The following SFMBT2 variants were observed in gnomAD, a reference collection of about 807,000 sequenced individuals.
The protein encoded by SFMBT2 is scm-like with four MBT domains protein 2.
A neutral mutation model predicts 110.1 loss-of-function variants in SFMBT2; 38 were observed. The ratio of observed to expected loss-of-function variants is 0.35; its 90% CI spans 0.27 to 0.45. The LOEUF (loss-of-function observed/expected upper bound fraction) is 0.45, where lower values mean the gene tolerates loss of function less well. Ranked by LOEUF, SFMBT2 falls within the 20% of genes least tolerant of loss-of-function variation. SFMBT2 has a pLI of 1.00. For synonymous variants in SFMBT2, 425 were observed against 425.4 expected, an observed-to-expected ratio of 1.00 and a Z score of 0.01; for missense variants, 1,011 against 1,094.9, an observed-to-expected ratio of 0.92 and a Z score of 1.08.
chr10:7,212,297 T>C (rs1477466193), intron 11 of SFMBT2, among the ~76,000 whole-genome samples: 1 of 152,264 alleles, frequency 6.6e-6, no homozygotes, highest in Admixed American at 6.5e-5. Context: ...AATGGACTGC[T>C]GTATCTTAAA....
At chr10:7,291,222 T>G (rs763868557) in intron 4 of SFMBT2, among the ~76,000 whole-genome samples, 2 of 152,134 alleles carry the variant, frequency 1.3e-5, no homozygotes, top group East Asian at 3.9e-4. Flanking sequence ...GTAATTACAA[T>G]GAAGAGAAAG....
chr10:7,263,686 G>A (rs987377323), intron 7 of SFMBT2, among the ~76,000 whole-genome samples: 1 of 152,342 alleles, frequency 6.6e-6, no homozygotes, highest in Non-Finnish European at 1.5e-5. Context: ...AATGCCTGGA[G>A]AATGTAAGTG....
chr10:7,392,983 TTATATATA>T (rs760008467), intron 1 of SFMBT2, among the ~76,000 whole-genome samples: 4,953 of 59,430 alleles, frequency 0.083, 233 homozygotes, highest in Non-Finnish European at 0.12. Flanking sequence ...TGTGGATAGA[TTATATATA>T]TATATATATA....
At chr10:7,266,309 C>T (rs1368307802) in intron 7 of SFMBT2, among the ~76,000 whole-genome samples, 4 of 142,296 alleles carry the variant, frequency 2.8e-5, no homozygotes, top group East Asian at 2.3e-4. Flanking sequence ...AGGCTGGTCT[C>T]GAACTCCTGA....
intron 9 of SFMBT2, among the ~76,000 whole-genome samples, chr10:7,229,939 G>A (rs1177157164): frequency 1.3e-5 from 2 of 151,490 alleles, no homozygotes; most frequent in African/African-American, 2.4e-5. Context: ...GGCTGGTCTC[G>A]AACTCCTGAC....
chr10:7,233,682 G>A (rs1040404713), intron 9 of SFMBT2, among the ~76,000 whole-genome samples: 1 of 152,330 alleles, frequency 6.6e-6, no homozygotes, highest in East Asian at 1.9e-4. Context: ...ACAACTCACA[G>A]AGCAGCACTT....
At chr10:7,278,463 G>A (rs147769903) in intron 6 of SFMBT2, among the ~76,000 whole-genome samples, 13 of 152,230 alleles carry the variant, frequency 8.5e-5, no homozygotes, top group East Asian at 5.8e-4. Flanking sequence ...AGGGGACCCC[G>A]GGGAGCAAAG....
chr10:7,192,991 C>T (rs1056403265), intron 15 of SFMBT2, among the ~76,000 whole-genome samples: 6 of 152,178 alleles, frequency 3.9e-5, no homozygotes, highest in East Asian at 1.9e-4. Context: ...CCCTGAGAAG[C>T]GCCTCATTGC....
rs1472166996 is a variant in SFMBT2 at position 7,159,104 on chromosome 10, A to C, written c.*4666T>G. 6.6e-6 allele frequency: 1 copy of C among 152,188 alleles called. No homozygotes were observed. The highest frequency in any genetic ancestry group is 1.5e-5 in the Non-Finnish European group (1 of 68,034). 9.4% of individuals were successfully genotyped at this position (152,188 alleles called of 1,614,324 possible). On this transcript the variant is annotated 3_prime_UTR_variant, in exon 21 of 21. Coordinates refer to ENST00000397167, the MANE Select transcript of SFMBT2 (RefSeq NM_001387889.1). ...CCTTTTTTCGTCAGCACATCGCTTC[A>C]GCCACACAAAAAGCACTGCTCTGCG...
chr10:7,311,489 G>A (rs181313516), intron 4 of SFMBT2, among the ~76,000 whole-genome samples: 15 of 152,224 alleles, frequency 9.9e-5, no homozygotes, highest in African/African-American at 3.1e-4. Context: ...ATCCTCCATC[G>A]TCATCCAAGA....
At chr10:7,350,383 G>C (rs1213292542) in intron 4 of SFMBT2, among the ~76,000 whole-genome samples, 4 of 151,992 alleles carry the variant, frequency 2.6e-5, no homozygotes, top group African/African-American at 9.7e-5. Context: ...GATAGCAAAA[G>C]ATATCTGAAC....
chr10:7,196,780 C>A (rs989239917), intron 15 of SFMBT2, among the ~76,000 whole-genome samples: 8 of 152,066 alleles, frequency 5.3e-5, no homozygotes, highest in Non-Finnish European at 8.8e-5. Context: ...AGTACGGATA[C>A]GTGTAAGAAA....
chr10:7,171,552 GAC>G lies in SFMBT2; in HGVS notation c.2415+341_2415+342del, dbSNP rs1837872031. 1 of 985,434 alleles carries G rather than the reference GAC, an allele frequency of 1.0e-6. No individual in the cohort carries two copies. Among genetic ancestry groups the G allele is most frequent in the South Asian group, 4.7e-5 (1 of 21,284 alleles). The allele number at this position is 985,434 out of a possible 1,614,324, so 61.0% of individuals were successfully genotyped here. A position where few individuals can be genotyped will look rare whatever the true frequency, so the allele number is the denominator to read the frequency against. ...TCCTATAGAGGGGACGTGGGAGCAAGACACAGCGCAGTCAGGGGAGATGCGGG... is the reference window on the plus strand; with the variant it reads ...TCCTATAGAGGGGACGTGGGAGCAAGACAGCGCAGTCAGGGGAGATGCGGG... On this transcript the variant is annotated intron_variant, in intron 19 of 20. Transcript: ENST00000397167. The surrounding 1 kb of genome is among the most constrained non-coding windows in gnomAD (Gnocchi z 4.9).
At chr10:7,166,972 C>A (rs1837713205) in intron 20 of SFMBT2, among the ~76,000 whole-genome samples, 1 of 152,142 alleles carries the variant, frequency 6.6e-6, no homozygotes, top group African/African-American at 2.4e-5. Flanking sequence ...GCCGGCAGAT[C>A]ACTTTTAATG....
chr10:7,305,162 A>C (rs1842657082), intron 4 of SFMBT2, among the ~76,000 whole-genome samples: 1 of 152,338 alleles, frequency 6.6e-6, no homozygotes, highest in Admixed American at 6.5e-5. Flanking sequence ...TAATTACTGA[A>C]TCTCAAAAAT....
At chr10:7,205,687 G>A (rs1376613778) in intron 12 of SFMBT2, 128 bp downstream of exon 12, 1 of 1,415,468 alleles carries the variant, frequency 7.1e-7, no homozygotes, top group Non-Finnish European at 9.3e-7. Flanking sequence ...GAAAACATGG[G>A]TTCTTGGTGG....
intron 9 of SFMBT2, among the ~76,000 whole-genome samples, chr10:7,231,607 C>T (rs1362854775): frequency 1.3e-5 from 2 of 152,226 alleles, no homozygotes; most frequent in African/African-American, 4.8e-5. Flanking sequence ...TCACCCAGTC[C>T]TCCACACTCT....
intron 7 of SFMBT2, among the ~76,000 whole-genome samples, chr10:7,271,095 G>A (rs1363557903): frequency 6.6e-6 from 1 of 151,974 alleles, no homozygotes; most frequent in Non-Finnish European, 1.5e-5. Flanking sequence ...GACCAGCCTG[G>A]CGAACATGGT....
chr10:7,310,990 T>G (rs1842838183), intron 4 of SFMBT2, among the ~76,000 whole-genome samples: 1 of 141,988 alleles, frequency 7.0e-6, no homozygotes, highest in African/African-American at 2.7e-5. Context: ...GAGGTTGCAG[T>G]GAGCCAAGAT....
Sources: gnomAD v4.1 joint callset for allele counts (sites outside exome capture counted in the v4.1 genomes callset) on GRCh38, gnomAD v4.1.1 for gene constraint, Gnocchi (gnomAD v3.1) non-coding constraint, MANE v1.5 for transcripts, NCBI Gene and HGNC (gene_info 2026-07-23, HGNC 2026-07-21) for gene names.